Variants in CTNNBIP1 observed in about 807,000 individuals in gnomAD.
CTNNBIP1 encodes catenin beta interacting protein 1, also known as beta-catenin-interacting protein 1.
In CTNNBIP1, 7 loss-of-function variants were observed where a neutral mutation model predicts 11.8. The ratio of observed to expected loss-of-function variants is 0.60; its 90% CI spans 0.34 to 1.12. CTNNBIP1 has a LOEUF of 1.12. CTNNBIP1 is among the 50% of genes most tolerant of loss of function. CTNNBIP1 has a pLI of 0.03. For synonymous variants in CTNNBIP1, 58 were observed against 43.9 expected, an observed-to-expected ratio of 1.32 and a Z score of -1.26; for missense variants, 101 against 113.4, an observed-to-expected ratio of 0.89 and a Z score of 0.50.
chr1:9,859,705 G>C (rs1316292600), intron 5 of CTNNBIP1, among the ~76,000 whole-genome samples: 20 of 152,232 alleles, frequency 1.3e-4, no homozygotes, highest in Non-Finnish European at 2.9e-4. Flanking sequence ...GTGGATGAAA[G>C]AGAGGAGCAT....
At position 9,848,546 on chromosome 1, in the gene CTNNBIP1, G is replaced by A. The variant is rs1422738562; in HGVS notation, c.*2172C>T. On this transcript the variant is annotated 3_prime_UTR_variant, in exon 6 of 6. Transcript: ENST00000377263. This position sits in a 1 kb window ranked among gnomAD's most constrained non-coding sequence, Gnocchi z 4.3. ...ATGTGGCCTCGACACCTGACTCCAG[G>A]CACTCCGACCTGGAGGAGGGAGATG... 6.6e-6 allele frequency: 1 copy of A among 152,200 alleles called. No homozygotes were observed. The highest frequency in any genetic ancestry group is 1.5e-5 in the Non-Finnish European group (1 of 68,040). The allele number at this position is 152,200 out of a possible 1,614,324, so 9.4% of individuals were successfully genotyped here.
At chr1:9,899,108 G>C (rs1466586161) in intron 1 of CTNNBIP1, among the ~76,000 whole-genome samples, 2 of 152,128 alleles carry the variant, frequency 1.3e-5, no homozygotes, top group Non-Finnish European at 2.9e-5. Context: ...CCACAGATGG[G>C]GAACCTGAGG....
At chr1:9,898,515 T>C (rs1387956240) in intron 1 of CTNNBIP1, among the ~76,000 whole-genome samples, 1 of 151,476 alleles carries the variant, frequency 6.6e-6, no homozygotes, top group Non-Finnish European at 1.5e-5. Context: ...ACAGCGAGAC[T>C]GTGTCTCAAA....
intron 1 of CTNNBIP1, among the ~76,000 whole-genome samples, chr1:9,906,389 C>A (rs1482236995): frequency 6.6e-6 from 1 of 152,036 alleles, no homozygotes; most frequent in Non-Finnish European, 1.5e-5. Flanking sequence ...GAAACCCCAT[C>A]TCTACTAAAA....
At chr1:9,868,101 T>A (rs956746181) in intron 5 of CTNNBIP1, among the ~76,000 whole-genome samples, 1 of 152,232 alleles carries the variant, frequency 6.6e-6, no homozygotes, top group Admixed American at 6.5e-5. Flanking sequence ...TCCACAGAAT[T>A]CTCAGAACCT....
chr1:9,857,795 C>T (rs75904262), intron 5 of CTNNBIP1, among the ~76,000 whole-genome samples: 2,734 of 152,192 alleles, frequency 0.018, 143 homozygotes, highest in East Asian at 0.15. Flanking sequence ...ACCAAGATTC[C>T]GTCTCAAAAA....
At chr1:9,879,803 C>A (rs1639045440) in intron 2 of CTNNBIP1, among the ~76,000 whole-genome samples, 1 of 152,298 alleles carries the variant, frequency 6.6e-6, no homozygotes, top group Admixed American at 6.5e-5. Context: ...GGCTCAGACC[C>A]TTCCAAGAAG....
intron 5 of CTNNBIP1, among the ~76,000 whole-genome samples, chr1:9,869,299 C>T (rs1371775093): frequency 6.6e-6 from 1 of 152,184 alleles, no homozygotes; most frequent in East Asian, 1.9e-4. Context: ...TGCACCTGGC[C>T]ACCAGCTTTT....
intron 1 of CTNNBIP1, among the ~76,000 whole-genome samples, chr1:9,887,891 C>T (rs1639217952): frequency 6.6e-6 from 1 of 151,816 alleles, no homozygotes; most frequent in South Asian, 2.1e-4. Context: ...GTGGTGCGAT[C>T]TCAGCTCACT....
At chr1:9,881,647 G>T (rs563345565) in intron 2 of CTNNBIP1, among the ~76,000 whole-genome samples, 1 of 152,218 alleles carries the variant, frequency 6.6e-6, no homozygotes, top group East Asian at 1.9e-4. Flanking sequence ...CCCCAGCCTT[G>T]AAATTTTTAA....
intron 1 of CTNNBIP1, among the ~76,000 whole-genome samples, chr1:9,897,758 G>A (rs1301710811): frequency 6.6e-6 from 1 of 152,186 alleles, no homozygotes; most frequent in Non-Finnish European, 1.5e-5. Flanking sequence ...AGGTTGCAGT[G>A]CGCTGAGATC....
At position 9,850,622 on chromosome 1, in the gene CTNNBIP1, G is replaced by A; in HGVS notation, c.*96C>T. 1 of 1,124,556 alleles carries A rather than the reference G, an allele frequency of 8.9e-7. No individual in the cohort carries two copies. Among genetic ancestry groups the A allele is most frequent in the Non-Finnish European group, 1.4e-6 (1 of 737,558 alleles). 69.7% of individuals were successfully genotyped at this position (1,124,556 alleles called of 1,614,324 possible). ...CAGGGTTGGGTAGGGGAAGGGGGAG[G>A]TGGGGCAAGGGGGGCTGCTGCCACT... On this transcript the variant is annotated 3_prime_UTR_variant, in exon 6 of 6. Transcript: ENST00000377263.
chr1:9,897,768 C>G (rs970551690), intron 1 of CTNNBIP1, among the ~76,000 whole-genome samples: 1 of 152,082 alleles, frequency 6.6e-6, no homozygotes, highest in Non-Finnish European at 1.5e-5. Flanking sequence ...GCGCTGAGAT[C>G]GTGCCACTGT....
At chr1:9,857,344 G>A (rs1638528441) in intron 5 of CTNNBIP1, among the ~76,000 whole-genome samples, 2 of 151,804 alleles carry the variant, frequency 1.3e-5, no homozygotes, top group Non-Finnish European at 1.5e-5. Context: ...GCCGGGTGTG[G>A]TGGCGGGCGC....
chr1:9,907,487 GC>G (rs1639640437), intron 1 of CTNNBIP1, among the ~76,000 whole-genome samples: 1 of 152,096 alleles, frequency 6.6e-6, no homozygotes, highest in South Asian at 2.1e-4. Flanking sequence ...CTCATTAATA[GC>G]TCAAGTTTGT....
At position 9,871,998 on chromosome 1, in the gene CTNNBIP1, G is replaced by A. The variant is rs763156939; in HGVS notation, c.67C>T (p.Leu23=). ...EMYIQQKVRV[L]LMLRKMGSNL... is the part of the protein sequence containing the mutation. ...GATCCCATCTTCCGCAGCATGAGCAGCACTCGGACCTTCTGCTGAATGTAC... is the reference window on the plus strand; with the variant it reads ...GATCCCATCTTCCGCAGCATGAGCAACACTCGGACCTTCTGCTGAATGTAC... Residue 23 remains leucine (L), a synonymous_variant, in exon 4 of 6, where the codon CTG becomes TTG. Coordinates refer to ENST00000377263, the MANE Select transcript of CTNNBIP1 (RefSeq NM_020248.3). This position sits in a 1 kb window ranked among gnomAD's most constrained non-coding sequence, Gnocchi z 5.2. The A allele has an allele frequency of 7.7e-5, 125 of 1,614,042 alleles. No homozygotes were observed. Among genetic ancestry groups the A allele is most frequent in the Non-Finnish European group, 1.0e-4 (119 of 1,179,990 alleles).
In CTNNBIP1 at chr1:9,883,270, T is replaced by G. The variant is rs1327273582; in HGVS notation, c.-110+435A>C. 6.6e-5 allele frequency among the ~76,000 whole-genome samples: 10 copies of G among 152,238 alleles called. No individual in the cohort carries two copies. Among genetic ancestry groups the G allele is most frequent in the Non-Finnish European group, 1.2e-4 (8 of 68,004 alleles). ...GTCTGGGTGGATTCATGTGAAGCCC[T>G]GTGTGAGATGTGTGGAAGGGCAGGT... On this transcript the variant is annotated intron_variant, in intron 2 of 5. Coordinates refer to ENST00000377263, the MANE Select transcript of CTNNBIP1 (RefSeq NM_020248.3). This position sits in a 1 kb window ranked among gnomAD's most constrained non-coding sequence, Gnocchi z 5.6.
At chr1:9,899,766 A>AT (rs1639485238) in intron 1 of CTNNBIP1, among the ~76,000 whole-genome samples, 1 of 147,916 alleles carries the variant, frequency 6.8e-6, no homozygotes, top group Non-Finnish European at 1.5e-5. Context: ...TCAAAAAAAA[A>AT]GAAAGAAAGA....
chr1:9,874,012 A>G (rs1157518947), intron 3 of CTNNBIP1, among the ~76,000 whole-genome samples: 1 of 152,116 alleles, frequency 6.6e-6, no homozygotes, highest in Non-Finnish European at 1.5e-5. Context: ...AACAGATGAT[A>G]TCACTCCTAC....
Sources: gnomAD v4.1 joint callset for allele counts (sites outside exome capture counted in the v4.1 genomes callset) on GRCh38, gnomAD v4.1.1 for gene constraint, Gnocchi (gnomAD v3.1) non-coding constraint, MANE v1.5 for transcripts, NCBI Gene and HGNC (gene_info 2026-07-23, HGNC 2026-07-21) for gene names.